INPP4B: variants seen among roughly 807,000 people sequenced by gnomAD.
INPP4B encodes inositol polyphosphate-4-phosphatase type II B, also known as inositol polyphosphate 4-phosphatase type II.
Under a neutral mutation model 122.5 loss-of-function variants are expected in INPP4B, and 55 were observed. The ratio of observed to expected loss-of-function variants is 0.45; its 90% CI spans 0.36 to 0.56. The LOEUF is 0.56. Among genes scored for constraint, INPP4B ranks in the 20% least tolerant of loss-of-function variants. The pLI is 0.00. For synonymous variants in INPP4B, 403 were observed against 388.7 expected (o/e 1.04, Z -0.43); for missense variants, 1,000 against 1,097.7 (o/e 0.91, Z 1.26).
At chr4:142,116,403 T>G (rs1313273873) in intron 21 of INPP4B, among the ~76,000 whole-genome samples, 1 of 152,126 alleles carries the variant, frequency 6.6e-6, no homozygotes, top group Non-Finnish European at 1.5e-5. Context: ...ATTGACCACA[T>G]AGTTGGAGGT....
At chr4:142,048,375 T>C (rs1044681673) in intron 25 of INPP4B, among the ~76,000 whole-genome samples, 1 of 152,024 alleles carries the variant, frequency 6.6e-6, no homozygotes, top group Non-Finnish European at 1.5e-5. Flanking sequence ...GTAAATGAAA[T>C]ATATGTTCTG....
chr4:142,821,423 T>A (rs754339854), intron 1 of INPP4B, among the ~76,000 whole-genome samples: 32 of 152,104 alleles, frequency 2.1e-4, no homozygotes, highest in Non-Finnish European at 4.3e-4. Context: ...AAGTTCTTTC[T>A]TTGTTGCTTA....
At chr4:142,780,044 T>G (rs1178294722) in intron 1 of INPP4B, among the ~76,000 whole-genome samples, 1 of 152,148 alleles carries the variant, frequency 6.6e-6, no homozygotes, top group Non-Finnish European at 1.5e-5. Context: ...TGAGCCCATA[T>G]TTACTAAATA....
rs192949977 is a variant in INPP4B at position 142,365,618 on chromosome 4, G to A, written c.372+37320C>T. Among the ~76,000 whole-genome samples the A allele has an allele frequency of 3.7e-4, 57 of 152,194 alleles. 1 individual carries two copies. The highest frequency in any genetic ancestry group is 3.4e-3 in the Middle Eastern group (1 of 294). On this transcript the variant is annotated intron_variant, in intron 7 of 25. Coordinates refer to ENST00000262992, the MANE Select transcript of INPP4B (RefSeq NM_001101669.3). ...ACATGTGGCTACATCAATTAAATGC[G>A]ATGTGTATTCACAACATTAGTCACT...
At chr4:142,202,242 A>G (rs1426676578) in intron 14 of INPP4B, among the ~76,000 whole-genome samples, 1 of 152,092 alleles carries the variant, frequency 6.6e-6, no homozygotes, top group African/African-American at 2.4e-5. Context: ...TTAATAATAG[A>G]AATGAGATAA....
At chr4:142,405,154 C>T in intron 6 of INPP4B, 52 bp downstream of exon 6, 1 of 903,168 alleles carries the variant, frequency 1.1e-6, no homozygotes, top group Non-Finnish European at 1.7e-6. Context: ...AGCGAGCGAG[C>T]CAGCAAGAGA....
At chr4:142,425,607 A>G (rs1299708671) in intron 5 of INPP4B, among the ~76,000 whole-genome samples, 1 of 151,916 alleles carries the variant, frequency 6.6e-6, no homozygotes. Context: ...CTTAGGCTCA[A>G]TATGAACAAT....
At chr4:142,578,215 C>T (rs761193942) in intron 2 of INPP4B, among the ~76,000 whole-genome samples, 28 of 152,070 alleles carry the variant, frequency 1.8e-4, no homozygotes, top group African/African-American at 4.6e-4. Context: ...ATCTCATCTT[C>T]ATCACAGAAA....
intron 25 of INPP4B, among the ~76,000 whole-genome samples, chr4:142,055,579 A>G (rs1431982160): frequency 6.6e-6 from 1 of 152,142 alleles, no homozygotes; most frequent in Non-Finnish European, 1.5e-5. Flanking sequence ...AAGGACTTTG[A>G]TAGCTATGTC....
rs1401355668 is a variant in INPP4B at position 142,026,769 on chromosome 4, A to C, written c.*2013T>G. The C allele has an allele frequency of 6.6e-6, 1 of 152,200 alleles. No individual in the cohort carries two copies. Among genetic ancestry groups the C allele is most frequent in the Non-Finnish European group, 1.5e-5 (1 of 68,034 alleles). 9.4% of individuals were successfully genotyped at this position (152,200 alleles called of 1,614,324 possible). A position where few individuals can be genotyped will look rare whatever the true frequency, so the allele number is the denominator to read the frequency against. ...GAAATCCTTGAAATGTCTTTTAAAAATAGAAAACCCTACTGCTGGCTTTCC... is the reference window on the plus strand; with the variant it reads ...GAAATCCTTGAAATGTCTTTTAAAACTAGAAAACCCTACTGCTGGCTTTCC... On this transcript the variant is annotated 3_prime_UTR_variant, in exon 26 of 26. Transcript: ENST00000262992.
intron 17 of INPP4B, among the ~76,000 whole-genome samples, chr4:142,148,643 G>T (rs1334843945): frequency 6.6e-6 from 1 of 152,170 alleles, no homozygotes; most frequent in Non-Finnish European, 1.5e-5. Flanking sequence ...GTATTTAAAA[G>T]ATAATTTGAC....
intron 2 of INPP4B, among the ~76,000 whole-genome samples, chr4:142,564,384 T>C (rs768478786): frequency 1.2e-4 from 16 of 134,804 alleles, no homozygotes; most frequent in Non-Finnish European, 2.5e-4. Context: ...TAGCAAGGCA[T>C]AAGCAGAGAG....
chr4:142,750,181 T>C (rs369526689), intron 1 of INPP4B, among the ~76,000 whole-genome samples: 1 of 152,004 alleles, frequency 6.6e-6, no homozygotes, highest in Non-Finnish European at 1.5e-5. Context: ...GATAAAACTT[T>C]GATATATAGA....
chr4:142,224,806 T>G (rs1022878627), intron 12 of INPP4B, among the ~76,000 whole-genome samples: 2 of 152,124 alleles, frequency 1.3e-5, no homozygotes, highest in East Asian at 1.9e-4. Context: ...AAAAAATATT[T>G]TATCACCATG....
At chr4:142,427,818 G>A (rs1457826009) in intron 5 of INPP4B, among the ~76,000 whole-genome samples, 3 of 151,938 alleles carry the variant, frequency 2.0e-5, no homozygotes. Context: ...ATGAAAGATG[G>A]ACAGATGAAA....
At chr4:142,253,413 A>G (rs1050736362) in intron 11 of INPP4B, among the ~76,000 whole-genome samples, 10 of 152,358 alleles carry the variant, frequency 6.6e-5, no homozygotes, top group Non-Finnish European at 1.2e-4. Flanking sequence ...TGCAGAAGAC[A>G]GGTGATTTCC....
chr4:142,172,652 T>C (rs1826167751), intron 16 of INPP4B, among the ~76,000 whole-genome samples: 1 of 151,826 alleles, frequency 6.6e-6, no homozygotes, highest in African/African-American at 2.4e-5. Flanking sequence ...CATATAAAAA[T>C]GTATAAACTG....
intron 11 of INPP4B, among the ~76,000 whole-genome samples, chr4:142,244,968 A>G (rs991462799): frequency 5.9e-5 from 9 of 152,156 alleles, no homozygotes; most frequent in Non-Finnish European, 8.8e-5. Flanking sequence ...ACATTTCTCT[A>G]ATGACCAGTG....
At chr4:142,259,889 T>G (rs375511082) in intron 11 of INPP4B, among the ~76,000 whole-genome samples, 2 of 152,136 alleles carry the variant, frequency 1.3e-5, no homozygotes, top group Non-Finnish European at 2.9e-5. Flanking sequence ...TACTAGGCAA[T>G]AGAAATATTT....
Sources: gnomAD v4.1 joint callset for allele counts (sites outside exome capture counted in the v4.1 genomes callset) on GRCh38, gnomAD v4.1.1 for gene constraint, MANE v1.5 for transcripts, NCBI Gene and HGNC (gene_info 2026-07-23, HGNC 2026-07-21) for gene names.